The following EPHA6 variants were observed in gnomAD, a reference collection of about 807,000 sequenced individuals.
EPHA6 encodes the protein EPH receptor A6.
In EPHA6, 50 loss-of-function variants were observed where a neutral mutation model predicts 112.0. That is an observed-to-expected ratio of 0.45 (90% confidence interval 0.36 to 0.56). The LOEUF (loss-of-function observed/expected upper bound fraction) is 0.56, where lower values mean the gene tolerates loss of function less well. Ranked by LOEUF, EPHA6 falls within the 20% of genes least tolerant of loss-of-function variation. The pLI is 0.00. For synonymous variants in EPHA6, 529 were observed against 490.7 expected, an observed-to-expected ratio of 1.08 and a Z score of -1.03; for missense variants, 1,280 against 1,417.4, an observed-to-expected ratio of 0.90 and a Z score of 1.56.
chr3:97,054,189 C>T (rs1165655308), intron 3 of EPHA6, among the ~76,000 whole-genome samples: 1 of 151,794 alleles, frequency 6.6e-6, no homozygotes, highest in Non-Finnish European at 1.5e-5. Context: ...CACACACACA[C>T]ACACACAACA....
intron 3 of EPHA6, among the ~76,000 whole-genome samples, chr3:97,095,904 ATAT>A (rs2047221968): frequency 6.6e-6 from 1 of 151,980 alleles, no homozygotes; most frequent in African/African-American, 2.4e-5. Flanking sequence ...AGCTTAAATG[ATAT>A]TATACTTTGA....
intron 3 of EPHA6, among the ~76,000 whole-genome samples, chr3:97,144,449 T>C (rs572409569): frequency 1.5e-4 from 21 of 142,192 alleles, no homozygotes; most frequent in African/African-American, 4.6e-4. Flanking sequence ...TTAGTTTCTC[T>C]TTTTTAGCTT....
intron 3 of EPHA6, among the ~76,000 whole-genome samples, chr3:97,179,087 CTG>C (rs1218884820): frequency 6.6e-6 from 1 of 151,902 alleles, no homozygotes; most frequent in Non-Finnish European, 1.5e-5. Flanking sequence ...TCTTCTCTAA[CTG>C]TGTATTTTCA....
At chr3:97,216,534 T>C (rs905096964) in intron 3 of EPHA6, among the ~76,000 whole-genome samples, 2 of 152,244 alleles carry the variant, frequency 1.3e-5, no homozygotes, top group African/African-American at 4.8e-5. Context: ...GAAATTAGTA[T>C]GACTACTTCA....
chr3:97,037,970 C>T (rs1046530366), intron 3 of EPHA6, among the ~76,000 whole-genome samples: 7 of 151,474 alleles, frequency 4.6e-5, no homozygotes, highest in African/African-American at 1.5e-4. Context: ...TGTAGTGAGG[C>T]ATTTATTTAT....
chr3:96,987,448 C>A lies in EPHA6; in HGVS notation c.569C>A (p.Ala190Glu). Residue 190 changes from alanine (A) to glutamate (E), a missense_variant, in exon 3 of 18, where the codon GCA (alanine) becomes GAA (glutamate). Physicochemically the swap from Ala to Glu is moderately radical, Grantham distance 107 (BLOSUM62 -1). This residue lies in a region of EPHA6 where 878 missense variants were observed against 999.7 expected (regional missense o/e 0.88). Coordinates refer to ENST00000389672, the MANE Select transcript of EPHA6 (RefSeq NM_001080448.3). ...CGTACAAACTGGATCTCCCGTGATG[C>A]AGCTCAGAAAATTTATGTGGAAATG... is the stretch of plus-strand genomic sequence containing the variant. The part of the protein sequence containing the change: ...WLRTNWISRD[A>E]AQKIYVEMKF... 2 of 1,613,852 alleles carry A rather than the reference C, an allele frequency of 1.2e-6. No individual in the cohort carries two copies. The highest frequency in any genetic ancestry group is 1.7e-6 in the Non-Finnish European group (2 of 1,179,852).
intron 2 of EPHA6, among the ~76,000 whole-genome samples, chr3:96,916,598 G>A (rs569374917): frequency 1.3e-5 from 2 of 152,198 alleles, no homozygotes; most frequent in South Asian, 4.1e-4. Flanking sequence ...ACAAGGAGCT[G>A]GGGGAGAGAA....
chr3:97,412,732 C>A (rs2087813576), intron 6 of EPHA6, among the ~76,000 whole-genome samples: 3 of 151,936 alleles, frequency 2.0e-5, no homozygotes, highest in Non-Finnish European at 2.9e-5. Context: ...TCTACATATA[C>A]TATCAAGTTT....
At chr3:97,218,050 T>C (rs1197632220) in intron 3 of EPHA6, among the ~76,000 whole-genome samples, 1 of 152,064 alleles carries the variant, frequency 6.6e-6, no homozygotes, top group Non-Finnish European at 1.5e-5. Flanking sequence ...GCAAGGCAGA[T>C]CACTGAAGCA....
intron 5 of EPHA6, among the ~76,000 whole-genome samples, chr3:97,377,981 A>G (rs1015195890): frequency 6.6e-6 from 1 of 152,254 alleles, no homozygotes; most frequent in African/African-American, 2.4e-5. Flanking sequence ...AAATATTTGC[A>G]TAAGTAATGA....
At chr3:97,003,918 T>C (rs981682411) in intron 3 of EPHA6, among the ~76,000 whole-genome samples, 2 of 152,046 alleles carry the variant, frequency 1.3e-5, no homozygotes, top group Non-Finnish European at 2.9e-5. Context: ...CTGTGTTAGT[T>C]TGCTGAGGAT....
At chr3:97,255,762 G>A (rs1559831439) in intron 5 of EPHA6, among the ~76,000 whole-genome samples, 1 of 152,196 alleles carries the variant, frequency 6.6e-6, no homozygotes, top group South Asian at 2.1e-4. Context: ...AGCAGTTTAT[G>A]TTAAAATCTC....
At chr3:96,845,709 T>C (rs1288083939) in intron 1 of EPHA6, among the ~76,000 whole-genome samples, 1 of 152,064 alleles carries the variant, frequency 6.6e-6, no homozygotes, top group Non-Finnish European at 1.5e-5. Context: ...ACCTAGCACA[T>C]TTCTGTATAT....
At chr3:97,646,267 G>A (rs1383658249) in intron 14 of EPHA6, 30 of 1,533,156 alleles carry the variant, frequency 2.0e-5, no homozygotes, top group Non-Finnish European at 2.6e-5. Context: ...GGAGCCAGTG[G>A]CCAGACCAGA....
At chr3:97,136,221 G>C (rs1274918353) in intron 3 of EPHA6, among the ~76,000 whole-genome samples, 1 of 152,158 alleles carries the variant, frequency 6.6e-6, no homozygotes, top group East Asian at 1.9e-4. Context: ...AACCTATTAT[G>C]AGTCAGCAAA....
intron 5 of EPHA6, among the ~76,000 whole-genome samples, chr3:97,346,054 A>G (rs776585249): frequency 6.6e-6 from 1 of 152,070 alleles, no homozygotes; most frequent in Non-Finnish European, 1.5e-5. Flanking sequence ...TCTATACTGC[A>G]TTGGTGGATA....
intron 3 of EPHA6, among the ~76,000 whole-genome samples, chr3:97,062,297 G>C (rs910839104): frequency 3.3e-5 from 5 of 152,102 alleles, no homozygotes; most frequent in Non-Finnish European, 7.4e-5. Context: ...AACAGGACTT[G>C]AGTAAGAAGA....
At chr3:97,713,599 A>C (rs771821138) in intron 14 of EPHA6, among the ~76,000 whole-genome samples, 1 of 152,188 alleles carries the variant, frequency 6.6e-6, no homozygotes, top group Non-Finnish European at 1.5e-5. Flanking sequence ...GCATCTGTGA[A>C]TCTTGAGACA....
chr3:97,420,952 A>T (rs1161507882), intron 6 of EPHA6, among the ~76,000 whole-genome samples: 1 of 152,114 alleles, frequency 6.6e-6, no homozygotes, highest in East Asian at 1.9e-4. Flanking sequence ...ATAAAAGGAA[A>T]AGTTCCAAAT....
Sources: allele counts gnomAD v4.1 joint callset (sites outside exome capture counted in the v4.1 genomes callset), GRCh38; gene constraint gnomAD v4.1.1; regional missense constraint gnomAD v4.1.1; transcripts MANE v1.5; gene names NCBI Gene and HGNC (gene_info 2026-07-23, HGNC 2026-07-21).